Variants in SLC2A13 observed in about 807,000 individuals in gnomAD.
The protein encoded by SLC2A13 is proton myo-inositol cotransporter.
A neutral mutation model predicts 64.4 loss-of-function variants in SLC2A13; 32 were observed. The observed-to-expected ratio is 0.50, with a 90% CI of 0.37 to 0.67. The LOEUF (loss-of-function observed/expected upper bound fraction) is 0.67. SLC2A13 is among the 30% of genes least tolerant of loss of function. The probability of loss-of-function intolerance (pLI) is 0.00; values close to 1 mark genes in which losing one functional copy is unlikely to be tolerated. For missense variants in SLC2A13, 743 were observed against 829.2 expected (o/e 0.90, Z 1.28); for synonymous variants, 338 against 327.1 (o/e 1.03, Z -0.36).
chr12:39,840,907 T>G (rs1026854344), intron 6 of SLC2A13, among the ~76,000 whole-genome samples: 1 of 152,136 alleles, frequency 6.6e-6, no homozygotes, highest in African/African-American at 2.4e-5. Context: ...CTTATATTGA[T>G]AGAAGATTTG....
intron 4 of SLC2A13, among the ~76,000 whole-genome samples, chr12:39,880,776 G>A (rs975166906): frequency 5.3e-4 from 81 of 152,238 alleles, no homozygotes; most frequent in African/African-American, 1.5e-3. Context: ...TACCTCTGGC[G>A]GCCTCAGGAA....
intron 7 of SLC2A13, among the ~76,000 whole-genome samples, chr12:39,766,884 T>C (rs932313936): frequency 6.6e-6 from 1 of 152,114 alleles, no homozygotes; most frequent in African/African-American, 2.4e-5. Context: ...GTTCTCTTGC[T>C]GTTTTCCACT....
At chr12:39,772,822 C>T (rs1331050088) in intron 7 of SLC2A13, among the ~76,000 whole-genome samples, 1 of 152,016 alleles carries the variant, frequency 6.6e-6, no homozygotes, top group Non-Finnish European at 1.5e-5. Flanking sequence ...AAGCTTTTTG[C>T]CATCTGGCTA....
intron 7 of SLC2A13, among the ~76,000 whole-genome samples, chr12:39,820,757 ATATATATATATATATATAT>A: frequency 1.0e-4 from 1 of 9,606 alleles, no homozygotes; most frequent in Non-Finnish European, 1.6e-4. Flanking sequence ...ATATATATAT[ATATATATATATATATATAT>A]AAAGCAACAT....
chr12:39,896,249 CAT>C (rs1565527595), intron 4 of SLC2A13, among the ~76,000 whole-genome samples: 6 of 92,516 alleles, frequency 6.5e-5, no homozygotes, highest in East Asian at 3.6e-4. Context: ...TATATGTATA[CAT>C]GTATGTATAT....
chr12:40,026,130 C>T (rs191234787), intron 3 of SLC2A13, among the ~76,000 whole-genome samples: 5 of 152,262 alleles, frequency 3.3e-5, no homozygotes, highest in East Asian at 1.9e-4. Context: ...CTCTTAACTG[C>T]GTACTTTTTA....
chr12:39,891,558 C>T (rs561642030), intron 4 of SLC2A13, among the ~76,000 whole-genome samples: 11 of 152,252 alleles, frequency 7.2e-5, no homozygotes, highest in African/African-American at 2.4e-4. Context: ...TCGTGAAATG[C>T]ATTGCTTCCT....
chr12:40,077,903 T>A (rs1008469226), intron 1 of SLC2A13, among the ~76,000 whole-genome samples: 9 of 152,134 alleles, frequency 5.9e-5, no homozygotes, highest in African/African-American at 2.2e-4. Flanking sequence ...ATTTTATTAT[T>A]TTTGTGGCTT....
chr12:39,797,608 C>T (rs1020608428), intron 7 of SLC2A13, among the ~76,000 whole-genome samples: 2 of 152,036 alleles, frequency 1.3e-5, no homozygotes, highest in South Asian at 2.1e-4. Flanking sequence ...TCATTGGTAA[C>T]TTTTATTCTG....
At chr12:39,956,906 G>A (rs902702309) in intron 3 of SLC2A13, among the ~76,000 whole-genome samples, 1 of 152,072 alleles carries the variant, frequency 6.6e-6, no homozygotes, top group Non-Finnish European at 1.5e-5. Flanking sequence ...GAAAGCAGGG[G>A]CCTCACTGGG....
rs10877426 is a variant in SLC2A13, at chr12:39,757,883, G to C, written c.*2143C>G. 53,986 of 151,938 alleles carry C rather than the reference G, an allele frequency of 0.36. 10,067 individuals carry two copies. Among genetic ancestry groups the C allele is most frequent in the East Asian group, 0.5 (2,625 of 5,270 alleles). 9.4% of individuals were successfully genotyped at this position (151,938 alleles called of 1,614,324 possible). A position where few individuals can be genotyped will look rare whatever the true frequency, so the allele number is the denominator to read the frequency against. ...AGGCTACATATACAATAAAGAGAAG[G>C]ATTGAGGCAATTATTTTGATTAAGT... On this transcript the variant is annotated 3_prime_UTR_variant, in exon 10 of 10. Transcript: ENST00000280871.
intron 5 of SLC2A13, among the ~76,000 whole-genome samples, chr12:39,866,509 C>T (rs1158613601): frequency 6.6e-6 from 1 of 151,772 alleles, no homozygotes; most frequent in Non-Finnish European, 1.5e-5. Context: ...GAGACGGAGT[C>T]TCGCTGTCGC....
intron 7 of SLC2A13, among the ~76,000 whole-genome samples, chr12:39,814,372 T>G (rs1182524202): frequency 6.6e-6 from 1 of 152,128 alleles, no homozygotes; most frequent in Non-Finnish European, 1.5e-5. Flanking sequence ...TTTTTCCAAA[T>G]AGAGAGTAAA....
At chr12:39,927,041 AG>A (rs1197958622) in intron 4 of SLC2A13, among the ~76,000 whole-genome samples, 1 of 152,238 alleles carries the variant, frequency 6.6e-6, no homozygotes, top group Non-Finnish European at 1.5e-5. Context: ...TATAATTTAT[AG>A]TACCTCCAGA....
At chr12:39,856,569 G>A (rs773583977) in intron 6 of SLC2A13, among the ~76,000 whole-genome samples, 6 of 152,058 alleles carry the variant, frequency 3.9e-5, no homozygotes, top group South Asian at 2.1e-4. Context: ...GGGTTTCACC[G>A]TGTTGGCCAG....
intron 4 of SLC2A13, among the ~76,000 whole-genome samples, chr12:39,942,044 T>C (rs1452870197): frequency 6.6e-6 from 1 of 152,204 alleles, no homozygotes; most frequent in Non-Finnish European, 1.5e-5. Flanking sequence ...ATTTCTGGGT[T>C]CTCTATTCTG....
At chr12:39,872,265 A>T (rs1319392090) in intron 4 of SLC2A13, among the ~76,000 whole-genome samples, 1 of 152,214 alleles carries the variant, frequency 6.6e-6, no homozygotes, top group Admixed American at 6.5e-5. Context: ...AGTTTCACTA[A>T]AACTGTATCA....
At chr12:40,099,939 T>C (rs1298737477) in intron 1 of SLC2A13, among the ~76,000 whole-genome samples, 1 of 152,142 alleles carries the variant, frequency 6.6e-6, no homozygotes, top group East Asian at 1.9e-4. Flanking sequence ...CAAAACTGTA[T>C]TTTAGCTGAT....
intron 3 of SLC2A13, among the ~76,000 whole-genome samples, 198 bp downstream of exon 3, chr12:40,028,103 T>C (rs1387683655): frequency 6.6e-6 from 1 of 152,040 alleles, no homozygotes; most frequent in East Asian, 1.9e-4. Context: ...AACAGTTCAA[T>C]AGCTTTTAAA....
Sources: allele counts gnomAD v4.1 joint callset (sites outside exome capture counted in the v4.1 genomes callset), GRCh38; gene constraint gnomAD v4.1.1; transcripts MANE v1.5; gene names NCBI Gene and HGNC (gene_info 2026-07-23, HGNC 2026-07-21).